SPATS2L: variants seen among roughly 807,000 people sequenced by gnomAD.
SPATS2L encodes SPATS2-like protein.
A neutral mutation model predicts 59.6 loss-of-function variants in SPATS2L; 30 were observed. That is an observed-to-expected ratio of 0.50 (90% CI 0.38 to 0.68). The LOEUF is 0.68. Ranked by LOEUF, SPATS2L falls within the 30% of genes least tolerant of loss-of-function variation. The pLI, the probability that SPATS2L is intolerant of heterozygous loss-of-function variation, is 0.00. For missense variants in SPATS2L, 615 were observed against 700.0 expected, an observed-to-expected ratio of 0.88 and a Z score of 1.37; for synonymous variants, 252 against 263.5, an observed-to-expected ratio of 0.96 and a Z score of 0.42.
intron 1 of SPATS2L, among the ~76,000 whole-genome samples, chr2:200,307,888 C>G (rs1481172597): frequency 6.6e-6 from 1 of 152,160 alleles, no homozygotes; most frequent in Non-Finnish European, 1.5e-5. Context: ...TGTACGTTTT[C>G]TTTTGGCTAT....
intron 1 of SPATS2L, among the ~76,000 whole-genome samples, chr2:200,321,810 C>A (rs1233372685): frequency 1.3e-5 from 2 of 152,134 alleles, no homozygotes; most frequent in Admixed American, 1.3e-4. Context: ...CAATAAAATT[C>A]TCTTTAACTT....
chr2:200,454,534 G>A (rs2085698853), intron 8 of SPATS2L, among the ~76,000 whole-genome samples: 1 of 152,168 alleles, frequency 6.6e-6, no homozygotes, highest in South Asian at 2.1e-4. Context: ...CAAGACAGTG[G>A]AAACATTTTT....
At chr2:200,382,494 G>C (rs762637791) in intron 2 of SPATS2L, among the ~76,000 whole-genome samples, 5 of 152,214 alleles carry the variant, frequency 3.3e-5, no homozygotes, top group African/African-American at 1.2e-4. Flanking sequence ...GGGCCTGTCT[G>C]GCCTGAGAAG....
intron 3 of SPATS2L, among the ~76,000 whole-genome samples, chr2:200,409,821 A>G (rs909231731): frequency 2.0e-5 from 3 of 152,224 alleles, no homozygotes; most frequent in Non-Finnish European, 1.5e-5. Context: ...AATGACAAGG[A>G]TAGAAAATGT....
chr2:200,356,467 A>G (rs924680331), intron 2 of SPATS2L, among the ~76,000 whole-genome samples: 6 of 152,214 alleles, frequency 3.9e-5, no homozygotes, highest in Non-Finnish European at 5.9e-5. Context: ...TGTGTTAAGA[A>G]TTATAAGTGT....
chr2:200,368,122 T>C (rs1318185123), intron 2 of SPATS2L, among the ~76,000 whole-genome samples: 1 of 152,172 alleles, frequency 6.6e-6, no homozygotes, highest in Non-Finnish European at 1.5e-5. Flanking sequence ...GTGGGTTGTT[T>C]CCGTGGAGCA....
chr2:200,439,065 T>G, intron 6 of SPATS2L, 57 bp from the exon 7 acceptor site: 2 of 1,476,646 alleles, frequency 1.4e-6, no homozygotes, highest in Admixed American at 3.5e-5. Context: ...TCCATCACTT[T>G]ATCGTCAGTG....
chr2:200,345,994 C>T (rs111496167), intron 2 of SPATS2L, among the ~76,000 whole-genome samples: 45 of 152,296 alleles, frequency 3.0e-4, no homozygotes, highest in African/African-American at 1.0e-3. Flanking sequence ...CTCTCAGCCT[C>T]TTCCTTTTGT....
At chr2:200,310,318 G>A (rs768192381) in intron 1 of SPATS2L, among the ~76,000 whole-genome samples, 14 of 152,058 alleles carry the variant, frequency 9.2e-5, no homozygotes, top group Non-Finnish European at 1.3e-4. Flanking sequence ...CTGACTCTTC[G>A]CTCTCTCACT....
At chr2:200,329,377 G>T in intron 1 of SPATS2L, 54 bp from the exon 2 acceptor site, 2 of 1,398,452 alleles carry the variant, frequency 1.4e-6, no homozygotes, top group South Asian at 1.2e-5. Context: ...GAAATGGGTG[G>T]TGTGGCTACT....
chr2:200,340,394 C>T (rs2080284254), intron 2 of SPATS2L, among the ~76,000 whole-genome samples: 1 of 151,572 alleles, frequency 6.6e-6, no homozygotes, highest in Non-Finnish European at 1.5e-5. Context: ...ACTTCAGCAT[C>T]TTTTTTTTTG....
rs191030639 is a variant in SPATS2L, at chr2:200,459,359, A to T, written c.789-410A>T. ...GCCCATCTCCTTCCTTCCCAGCCAG[A>T]ATCTCTCAGGGTAGAGCACAGAGAC... On this transcript the variant is annotated intron_variant, in intron 8 of 12. Coordinates refer to ENST00000409140, the MANE Select transcript of SPATS2L (RefSeq NM_001100423.2). Among the ~76,000 whole-genome samples, 4 of 152,292 alleles carry T rather than the reference A, an allele frequency of 2.6e-5. No homozygotes were observed. In the East Asian group the frequency reaches 5.8e-4, roughly 22 times the overall value.
chr2:200,416,454 G>T, intron 5 of SPATS2L, 26 bp downstream of exon 5: 2 of 1,278,002 alleles, frequency 1.6e-6, no homozygotes, highest in South Asian at 3.3e-5. Flanking sequence ...ATTGTAAATT[G>T]GTAACATCTT....
chr2:200,364,556 C>T (rs2081209974), intron 2 of SPATS2L, among the ~76,000 whole-genome samples: 1 of 152,176 alleles, frequency 6.6e-6, no homozygotes, highest in African/African-American at 2.4e-5. Flanking sequence ...TTTGAAGTCT[C>T]TCCTAGGGTT....
chr2:200,335,258 A>G (rs187449307), intron 2 of SPATS2L, among the ~76,000 whole-genome samples: 1 of 152,242 alleles, frequency 6.6e-6, no homozygotes, highest in Non-Finnish European at 1.5e-5. Context: ...AAAGAATCGG[A>G]TACCAAGACA....
intron 1 of SPATS2L, among the ~76,000 whole-genome samples, chr2:200,307,654 G>A (rs754686632): frequency 2.0e-5 from 3 of 152,248 alleles, no homozygotes; most frequent in East Asian, 1.9e-4. Flanking sequence ...CTGGACGCCG[G>A]CGCACTCTGA....
chr2:200,335,317 G>A (rs1359760199), intron 2 of SPATS2L, among the ~76,000 whole-genome samples: 2 of 151,882 alleles, frequency 1.3e-5, no homozygotes, highest in African/African-American at 4.8e-5. Context: ...GGCAGAGCTT[G>A]CAGTGAGCCG....
chr2:200,423,113 C>A (rs1164258723), intron 6 of SPATS2L, among the ~76,000 whole-genome samples: 1 of 152,178 alleles, frequency 6.6e-6, no homozygotes, highest in African/African-American at 2.4e-5. Context: ...TCACATTACT[C>A]AGAACAGTAT....
intron 1 of SPATS2L, among the ~76,000 whole-genome samples, chr2:200,318,179 C>A (rs2079442694): frequency 6.6e-6 from 1 of 152,184 alleles, no homozygotes; most frequent in Non-Finnish European, 1.5e-5. Flanking sequence ...TGTGGTCAGT[C>A]CTGTAATTTT....
Sources: allele counts gnomAD v4.1 joint callset (sites outside exome capture counted in the v4.1 genomes callset), GRCh38; gene constraint gnomAD v4.1.1; transcripts MANE v1.5; gene names NCBI Gene and HGNC (gene_info 2026-07-23, HGNC 2026-07-21).